The following SLC7A8 variants were observed in gnomAD, a reference collection of about 807,000 sequenced individuals.
SLC7A8 encodes large neutral amino acids transporter small subunit 2.
In SLC7A8, 30 loss-of-function variants were observed where a neutral mutation model predicts 51.2. That is an observed-to-expected ratio of 0.59 (90% confidence interval 0.44 to 0.80). SLC7A8 has a LOEUF of 0.80. Ranked by LOEUF, SLC7A8 falls within the 30% of genes least tolerant of loss-of-function variation. The probability of loss-of-function intolerance (pLI) is 0.00; values close to 1 mark genes in which losing one functional copy is unlikely to be tolerated. For missense variants in SLC7A8, 612 were observed against 674.4 expected (o/e 0.91, Z 1.03); for synonymous variants, 257 against 275.8 (o/e 0.93, Z 0.67).
rs758578112 is a variant in SLC7A8, at chr14:23,128,029, A to T, written c.1431T>A (p.Ser477Arg). Reference protein sequence around the residue: ...VYWQHKPKCFSDFIELLTLVS... With the variant: ...VYWQHKPKCFRDFIELLTLVS... ...CCTCCAACAACTCACCAATGAAGTC[A>T]CTGAAACACTTGGGCTTGTGTTGCC... is the stretch of plus-strand genomic sequence containing the variant. Residue 477 changes from serine to arginine, a missense_variant, in exon 10 of 11, where the codon AGT (serine) becomes AGA (arginine). Coordinates refer to ENST00000316902, the MANE Select transcript of SLC7A8 (RefSeq NM_012244.4). The surrounding 1 kb of genome is among the most constrained non-coding windows in gnomAD (Gnocchi z 4.3). 2.5e-6 allele frequency: 4 copies of T among 1,613,866 alleles called. No individual in the cohort carries two copies. In the South Asian group the frequency reaches 4.4e-5, roughly 18 times the overall value.
chr14:23,155,237 C>T (rs1030222826), intron 3 of SLC7A8: 2 of 1,536,000 alleles, frequency 1.3e-6, no homozygotes, highest in Non-Finnish European at 1.7e-6. Flanking sequence ...GGGCCTCTCT[C>T]TTCCAAGGAC....
At chr14:23,136,625 G>A (rs2048692788) in intron 7 of SLC7A8, among the ~76,000 whole-genome samples, 1 of 152,198 alleles carries the variant, frequency 6.6e-6, no homozygotes, top group Non-Finnish European at 1.5e-5. Flanking sequence ...GGGGAGGCCT[G>A]GGTGGGTGAG....
chr14:23,141,276 C>T (rs938558012), intron 4 of SLC7A8, among the ~76,000 whole-genome samples: 1 of 152,076 alleles, frequency 6.6e-6, no homozygotes, highest in African/African-American at 2.4e-5. Context: ...CAGAGCAAGA[C>T]CCTGTCTCCA....
At position 23,166,549 on chromosome 14, in the gene SLC7A8, G is replaced by A; in HGVS notation, c.152-9C>T. On this transcript the variant is annotated splice_polypyrimidine_tract_variant and intron_variant, in intron 1 of 10. Coordinates refer to ENST00000316902, the MANE Select transcript of SLC7A8 (RefSeq NM_012244.4). ...AGAGCCGATGATGTTCCCTGCATGA[G>A]GCACCAAGGGTAAGGAGGGGAGACA... 1.2e-6 allele frequency: 2 copies of A among 1,613,850 alleles called. No homozygotes were observed. The highest frequency in any genetic ancestry group is 1.7e-6 in the Non-Finnish European group (2 of 1,179,856).
At chr14:23,177,226 A>G (rs150700996) in intron 1 of SLC7A8, among the ~76,000 whole-genome samples, 5 of 152,394 alleles carry the variant, frequency 3.3e-5, no homozygotes, top group African/African-American at 1.2e-4. Context: ...ATTCCACTTA[A>G]AGATTTCTCC....
At chr14:23,179,056 T>C (rs554334736) in intron 1 of SLC7A8, among the ~76,000 whole-genome samples, 1 of 152,178 alleles carries the variant, frequency 6.6e-6, no homozygotes, top group East Asian at 1.9e-4. Context: ...CAATCTTTGA[T>C]CTAGGAAATA....
intron 3 of SLC7A8, among the ~76,000 whole-genome samples, chr14:23,146,203 A>G (rs901377947): frequency 3.9e-5 from 6 of 152,218 alleles, no homozygotes; most frequent in South Asian, 2.1e-4. Flanking sequence ...AGGAAGGAAG[A>G]TTAGGAAACA....
chr14:23,149,703 G>T (rs1317379445), intron 3 of SLC7A8, among the ~76,000 whole-genome samples: 2 of 152,142 alleles, frequency 1.3e-5, no homozygotes, highest in African/African-American at 4.8e-5. Context: ...ATCCTTCCGG[G>T]CTCAGTCAAC....
At chr14:23,152,327 C>T (rs929091437) in intron 3 of SLC7A8, among the ~76,000 whole-genome samples, 6 of 151,876 alleles carry the variant, frequency 4.0e-5, no homozygotes, top group South Asian at 2.1e-4. Context: ...GATGGGGTTT[C>T]GCCATGTTGC....
chr14:23,169,214 C>A (rs903355419), intron 1 of SLC7A8, among the ~76,000 whole-genome samples: 16 of 152,020 alleles, frequency 1.1e-4, no homozygotes, highest in Non-Finnish European at 2.2e-4. Context: ...TTTAATTAGC[C>A]AGACATGGTG....
Position 23,131,555 on chromosome 14 carries a change from A to G in SLC7A8, c.1019T>C (p.Leu340Pro). 6.2e-7 allele frequency: 1 copy of G among 1,600,662 alleles called. No individual in the cohort carries two copies. The highest frequency in any genetic ancestry group is 8.5e-7 in the Non-Finnish European group (1 of 1,174,032). Residue 340 changes from leucine to proline, a missense_variant and splice_region_variant, in exon 8 of 11, where the codon CTG becomes CCG. Physicochemically the swap from Leu to Pro is moderately conservative, Grantham distance 98. Coordinates refer to ENST00000316902, the MANE Select transcript of SLC7A8 (RefSeq NM_012244.4). ...VNGSLFTSSR[L>P]FFAGAREGHL... ...GCCCTCTCGGGCTCCAGCGAAGAAC[A>G]GCCTGTCAGGGAGAAAAGCAGGTCA...
intron 1 of SLC7A8, among the ~76,000 whole-genome samples, chr14:23,182,088 G>A (rs1877205704): frequency 6.6e-6 from 1 of 152,116 alleles, no homozygotes; most frequent in Non-Finnish European, 1.5e-5. Flanking sequence ...GGTCCTCCGT[G>A]GCTGTTAAGA....
At chr14:23,133,922 G>C (rs1177952767) in intron 7 of SLC7A8, among the ~76,000 whole-genome samples, 1 of 151,244 alleles carries the variant, frequency 6.6e-6, no homozygotes, top group African/African-American at 2.4e-5. Flanking sequence ...TGAAAAAACA[G>C]GACTGAAAAC....
At chr14:23,182,670 A>G (rs749694275) in intron 1 of SLC7A8, 94 bp downstream of exon 1, 28 of 1,391,582 alleles carry the variant, frequency 2.0e-5, no homozygotes, top group Non-Finnish European at 2.7e-5. Context: ...TTTCTAAGGA[A>G]TAGGAAGAAC....
chr14:23,151,282 T>G (rs986481810), intron 3 of SLC7A8, among the ~76,000 whole-genome samples: 2 of 152,096 alleles, frequency 1.3e-5, no homozygotes, highest in Non-Finnish European at 2.9e-5. Context: ...GATAGATACA[T>G]CTACACAGAA....
intron 1 of SLC7A8, among the ~76,000 whole-genome samples, chr14:23,181,037 AAG>A (rs979765713): frequency 7.8e-6 from 1 of 128,856 alleles, no homozygotes; most frequent in Non-Finnish European, 1.8e-5. Context: ...AACAAAAAAA[AAG>A]AATACCTGAA....
In SLC7A8 at chr14:23,183,137, T is replaced by TTA. The variant is rs369029261; in HGVS notation, c.-224_-223insTA. 2.1e-4 allele frequency: 19 copies of TTA among 91,092 alleles called. No individual in the cohort carries two copies. The highest frequency in any genetic ancestry group is 3.8e-4 in the Admixed American group (3 of 7,898). The allele number at this position is 91,092 out of a possible 1,614,324, so 5.6% of individuals were successfully genotyped here. A position where few individuals can be genotyped will look rare whatever the true frequency, so the allele number is the denominator to read the frequency against. The stretch of plus-strand genomic sequence containing the variant: ...CGTTTACAAACAAGAAAAGTGTTGC[T>TTA]AAAAAAAAAAAAAAAAAAAAAGGCC... On this transcript the variant is annotated 5_prime_UTR_variant, in exon 1 of 11. It removes the in-frame stop codon of an upstream open reading frame in the 5' UTR. Coordinates refer to ENST00000316902, the MANE Select transcript of SLC7A8 (RefSeq NM_012244.4).
chr14:23,131,815 G>C (rs2048637133), intron 7 of SLC7A8, among the ~76,000 whole-genome samples: 1 of 152,226 alleles, frequency 6.6e-6, no homozygotes, highest in Non-Finnish European at 1.5e-5. Flanking sequence ...GGGTGGCTCA[G>C]GGTTACTGAT....
At chr14:23,133,874 T>C (rs1029424156) in intron 7 of SLC7A8, among the ~76,000 whole-genome samples, 8 of 152,078 alleles carry the variant, frequency 5.3e-5, no homozygotes, top group Admixed American at 4.6e-4. Flanking sequence ...TTGAAAAAAT[T>C]TGATTACATG....
Sources: allele counts gnomAD v4.1 joint callset (sites outside exome capture counted in the v4.1 genomes callset), GRCh38; gene constraint gnomAD v4.1.1; non-coding constraint Gnocchi (gnomAD v3.1); transcripts MANE v1.5; gene names NCBI Gene and HGNC (gene_info 2026-07-23, HGNC 2026-07-21).